Variants in SH3BP4 observed in about 807,000 individuals in gnomAD.
The protein encoded by SH3BP4 is SH3 domain-binding protein 4.
SH3BP4 carries 33 observed loss-of-function variants against 65.5 expected under a neutral mutation model. That is an observed-to-expected ratio of 0.50 (90% CI 0.38 to 0.67). SH3BP4 has a LOEUF of 0.67. SH3BP4 is among the 30% of genes least tolerant of loss of function. The pLI is 0.00. For synonymous variants in SH3BP4, 552 were observed against 545.5 expected, an observed-to-expected ratio of 1.01 and a Z score of -0.17; for missense variants, 1,134 against 1,261.4, an observed-to-expected ratio of 0.90 and a Z score of 1.53.
At chr2:235,014,072 TAAAG>T (rs1694608753) in intron 2 of SH3BP4, among the ~76,000 whole-genome samples, 2 of 152,294 alleles carry the variant, frequency 1.3e-5, no homozygotes, top group South Asian at 4.1e-4. Flanking sequence ...TATTAGCTAT[TAAAG>T]TATATGTTAA....
At chr2:234,960,414 A>G (rs1408497383) in intron 1 of SH3BP4, among the ~76,000 whole-genome samples, 2 of 152,210 alleles carry the variant, frequency 1.3e-5, no homozygotes, top group Non-Finnish European at 2.9e-5. Context: ...TCTCTCCTTT[A>G]CAGTGTGGGA....
chr2:235,050,754 C>G (rs577749509), intron 4 of SH3BP4, among the ~76,000 whole-genome samples: 2 of 151,938 alleles, frequency 1.3e-5, no homozygotes, highest in Non-Finnish European at 2.9e-5. Flanking sequence ...GCAGCCCAGC[C>G]GACCGCATGA....
intron 2 of SH3BP4, among the ~76,000 whole-genome samples, chr2:235,008,901 G>A (rs747382234): frequency 1.3e-5 from 2 of 152,154 alleles, no homozygotes; most frequent in Non-Finnish European, 2.9e-5. Context: ...GCCTGTTTTT[G>A]TCTGACTGTC....
intron 4 of SH3BP4, among the ~76,000 whole-genome samples, chr2:235,044,577 C>T (rs1175218010): frequency 4.6e-5 from 7 of 152,220 alleles, no homozygotes; most frequent in East Asian, 3.9e-4. Context: ...CGCTCTTCCT[C>T]GTTCCTCTGA....
At chr2:234,956,942 A>G (rs1000665538) in intron 1 of SH3BP4, among the ~76,000 whole-genome samples, 7 of 152,094 alleles carry the variant, frequency 4.6e-5, no homozygotes, top group African/African-American at 1.7e-4. Context: ...GTGCCGGTAA[A>G]CCTGCTCTCT....
chr2:235,020,196 T>C (rs1297201540), intron 2 of SH3BP4, among the ~76,000 whole-genome samples: 2 of 152,134 alleles, frequency 1.3e-5, no homozygotes, highest in South Asian at 2.1e-4. Context: ...TGCCTAGATA[T>C]AGAAATAAGT....
intron 2 of SH3BP4, among the ~76,000 whole-genome samples, chr2:235,021,629 A>C (rs1694848464): frequency 6.6e-6 from 1 of 152,096 alleles, no homozygotes; most frequent in Non-Finnish European, 1.5e-5. Flanking sequence ...CAAAAAAAAA[A>C]AAAAAAATGA....
At chr2:235,016,948 G>A (rs1337019844) in intron 2 of SH3BP4, among the ~76,000 whole-genome samples, 2 of 151,076 alleles carry the variant, frequency 1.3e-5, no homozygotes, top group South Asian at 4.2e-4. Context: ...AGCAAAACAC[G>A]TTGACTTCAG....
At chr2:234,996,373 C>T (rs150611666) in intron 2 of SH3BP4, among the ~76,000 whole-genome samples, 6 of 152,204 alleles carry the variant, frequency 3.9e-5, no homozygotes, top group Non-Finnish European at 8.8e-5. Context: ...CTTCTCCCCC[C>T]ACCCTTTCTG....
At chr2:235,007,556 TGTC>T (rs1372632324) in intron 2 of SH3BP4, among the ~76,000 whole-genome samples, 2 of 152,168 alleles carry the variant, frequency 1.3e-5, no homozygotes, top group Non-Finnish European at 2.9e-5. Flanking sequence ...CGGCCCCAAA[TGTC>T]AGCAGTGATA....
At chr2:235,003,423 A>G (rs1432959491) in intron 2 of SH3BP4, among the ~76,000 whole-genome samples, 2 of 152,264 alleles carry the variant, frequency 1.3e-5, no homozygotes, top group African/African-American at 4.8e-5. Flanking sequence ...ATGCATCCTC[A>G]CTGTACAGGT....
At chr2:235,028,291 C>A (rs1383178373) in intron 2 of SH3BP4, among the ~76,000 whole-genome samples, 1 of 152,198 alleles carries the variant, frequency 6.6e-6, no homozygotes, top group African/African-American at 2.4e-5. Context: ...CCTGCAACTG[C>A]AGGCTGTCCT....
chr2:235,038,349 T>TATATATA (rs1559254445), intron 3 of SH3BP4, among the ~76,000 whole-genome samples: 3 of 12,598 alleles, frequency 2.4e-4, no homozygotes, highest in Non-Finnish European at 4.2e-4. Flanking sequence ...GTATATATAT[T>TATATATA]TTATATATAT....
At chr2:234,990,762 G>A (rs1241679192) in intron 1 of SH3BP4, among the ~76,000 whole-genome samples, 2 of 152,224 alleles carry the variant, frequency 1.3e-5, no homozygotes, top group Non-Finnish European at 2.9e-5. Flanking sequence ...TTGCACAGTG[G>A]AAAAGGATTG....
At chr2:235,016,434 T>A (rs1416116183) in intron 2 of SH3BP4, among the ~76,000 whole-genome samples, 1 of 152,210 alleles carries the variant, frequency 6.6e-6, no homozygotes, top group African/African-American at 2.4e-5. Flanking sequence ...TGTCTGGTGA[T>A]GCTGAATGCT....
At chr2:235,001,677 G>A (rs1195405681) in intron 2 of SH3BP4, among the ~76,000 whole-genome samples, 1 of 152,144 alleles carries the variant, frequency 6.6e-6, no homozygotes, top group African/African-American at 2.4e-5. Context: ...CCCCTAGATA[G>A]GTTAATAGAA....
chr2:234,986,500 C>T (rs151053480), intron 1 of SH3BP4, among the ~76,000 whole-genome samples: 234 of 152,318 alleles, frequency 1.5e-3, no homozygotes, highest in Non-Finnish European at 2.4e-3. Context: ...GGATTGGAGC[C>T]TGGTCTGGAA....
intron 2 of SH3BP4, among the ~76,000 whole-genome samples, chr2:235,001,907 C>G (rs1253474376): frequency 6.6e-6 from 1 of 152,192 alleles, no homozygotes; most frequent in Admixed American, 6.5e-5. Context: ...GTTGTCCAGG[C>G]TGGAGTGCGG....
intron 1 of SH3BP4, chr2:234,981,579 G>C (rs369910314): frequency 1.2e-4 from 18 of 152,220 alleles, no homozygotes; most frequent in African/African-American, 4.1e-4. Flanking sequence ...CATTCCTGGA[G>C]AAAGTTAAAA....
Sources: allele counts gnomAD v4.1 joint callset (sites outside exome capture counted in the v4.1 genomes callset), GRCh38; gene constraint gnomAD v4.1.1; transcripts MANE v1.5; gene names NCBI Gene and HGNC (gene_info 2026-07-23, HGNC 2026-07-21).